Variants in MCF2L2 observed in about 807,000 individuals in gnomAD.
MCF2L2 encodes probable guanine nucleotide exchange factor MCF2L2.
In MCF2L2, 102 loss-of-function variants were observed where a neutral mutation model predicts 150.2. That is an observed-to-expected ratio of 0.68 (90% CI 0.58 to 0.80). MCF2L2 has a LOEUF of 0.80. MCF2L2 is among the 30% of genes least tolerant of loss of function. MCF2L2 has a pLI of 0.00. For missense variants in MCF2L2, 1,256 were observed against 1,372.8 expected (o/e 0.91, Z 1.34); for synonymous variants, 465 against 491.3 (o/e 0.95, Z 0.71).
intron 11 of MCF2L2, chr3:183,298,765 G>GCGCGCACGCGCGTGCGCACACACACACA: frequency 4.3e-5 from 6 of 138,500 alleles, no homozygotes; most frequent in African/African-American, 1.2e-4. Context: ...AAACACACAT[G>GCGCGCACGCGCGTGCGCACACACACACA]CACACACACA....
At position 183,379,228 on chromosome 3, in the gene MCF2L2, A is replaced by G. The variant is rs1184309933; in HGVS notation, c.275+69T>C. ...CTCATGGAAGTATATGTCTCAACCCAGCCCTGCCACATGGGAAGTGTGGAA... is the reference window on the plus strand; with the variant it reads ...CTCATGGAAGTATATGTCTCAACCCGGCCCTGCCACATGGGAAGTGTGGAA... On this transcript the variant is annotated intron_variant, in intron 3 of 29. Coordinates refer to ENST00000328913, the MANE Select transcript of MCF2L2 (RefSeq NM_015078.4). 10 of 1,181,316 alleles carry G rather than the reference A, an allele frequency of 8.5e-6. No individual in the cohort carries two copies. In the Admixed American group the frequency reaches 2.5e-4, roughly 29 times the overall value. The allele number at this position is 1,181,316 out of a possible 1,614,324, so 73.2% of individuals were successfully genotyped here. A position where few individuals can be genotyped will look rare whatever the true frequency, so the allele number is the denominator to read the frequency against.
At chr3:183,392,399 G>T (rs1348497370) in intron 1 of MCF2L2, among the ~76,000 whole-genome samples, 1 of 152,206 alleles carries the variant, frequency 6.6e-6, no homozygotes, top group African/African-American at 2.4e-5. Context: ...ACCCTGAGAG[G>T]CTGACTAGTG....
At chr3:183,248,860 A>G (rs1401605123) in intron 15 of MCF2L2, among the ~76,000 whole-genome samples, 1 of 152,182 alleles carries the variant, frequency 6.6e-6, no homozygotes, top group Non-Finnish European at 1.5e-5. Context: ...TTTTTAAAAA[A>G]AGAAAATTAC....
In MCF2L2 at chr3:183,370,350, G is replaced by A. The variant is rs531682306; in HGVS notation, c.275+8947C>T. On this transcript the variant is annotated intron_variant, in intron 3 of 29. Transcript: ENST00000328913. ...TGAGCTGGGCCTCAGTAGTGTGGCC[G>A]AGCAATGCCCGGGTGGGGCATCGGG... 3.3e-5 allele frequency among the ~76,000 whole-genome samples: 5 copies of A among 152,372 alleles called. No individual in the cohort carries two copies. In the East Asian group the frequency reaches 7.7e-4, roughly 23 times the overall value.
Position 183,392,693 on chromosome 3 carries a change from G to A in MCF2L2, c.77-2914C>T, listed in dbSNP as rs76616609. ...CTTTCCCAGACTCATCCTCTGACTC[G>A]GCATGGAGATGACTGCAGATACACC... is the stretch of plus-strand genomic sequence containing the variant. On this transcript the variant is annotated intron_variant, in intron 1 of 29. Transcript: ENST00000328913. 5.9e-3 allele frequency among the ~76,000 whole-genome samples: 898 copies of A among 152,226 alleles called. 5 individuals are homozygous for A. The highest frequency in any genetic ancestry group is 0.02 in the African/African-American group (843 of 41,532).
At chr3:183,200,485 G>C (rs1015195380) in intron 25 of MCF2L2, among the ~76,000 whole-genome samples, 2 of 152,074 alleles carry the variant, frequency 1.3e-5, no homozygotes, top group African/African-American at 4.8e-5. Flanking sequence ...TTTTTTTCTT[G>C]TAAATTTGTT....
chr3:183,289,854 T>TCAAA (rs986168413), intron 13 of MCF2L2, among the ~76,000 whole-genome samples: 1 of 152,158 alleles, frequency 6.6e-6, no homozygotes, highest in Non-Finnish European at 1.5e-5. Flanking sequence ...AGACTCCATC[T>TCAAA]CAAACAAACA....
intron 25 of MCF2L2, among the ~76,000 whole-genome samples, chr3:183,200,852 T>C (rs1280464215): frequency 1.3e-5 from 2 of 152,200 alleles, no homozygotes; most frequent in African/African-American, 4.8e-5. Context: ...GGCTAGCCAG[T>C]TTTCCCAGCA....
intron 3 of MCF2L2, among the ~76,000 whole-genome samples, chr3:183,359,439 T>C (rs1711994750): frequency 6.6e-6 from 1 of 152,186 alleles, no homozygotes; most frequent in African/African-American, 2.4e-5. Context: ...ACTGAAAGAT[T>C]TTCTTATTCT....
At position 183,428,067 on chromosome 3, in the gene MCF2L2, A is replaced by C; in HGVS notation, c.-90T>G. 2 of 974,494 alleles carry C rather than the reference A, an allele frequency of 2.1e-6. No homozygotes were observed. The highest frequency in any genetic ancestry group is 3.3e-6 in the Non-Finnish European group (2 of 603,738). 60.4% of individuals were successfully genotyped at this position (974,494 alleles called of 1,614,324 possible). On this transcript the variant is annotated 5_prime_UTR_variant, in exon 1 of 30. Coordinates refer to ENST00000328913, the MANE Select transcript of MCF2L2 (RefSeq NM_015078.4). This position sits in a 1 kb window ranked among gnomAD's most constrained non-coding sequence, Gnocchi z 5.1. ...GATTTTTTAAAGGCATCTCCGCCCA[A>C]GGATGCTCTGCCCTCGCCCTCTTCC...
intron 5 of MCF2L2, among the ~76,000 whole-genome samples, chr3:183,328,056 C>T (rs1468057800): frequency 6.6e-6 from 1 of 152,072 alleles, no homozygotes; most frequent in African/African-American, 2.4e-5. Flanking sequence ...ACTCACTGAC[C>T]TCTGGGAAGA....
intron 6 of MCF2L2, among the ~76,000 whole-genome samples, chr3:183,320,990 G>A (rs6802373): frequency 0.14 from 21,591 of 152,168 alleles, 1,691 homozygotes; most frequent in African/African-American, 0.2. Context: ...CCGAGGAGAG[G>A]GAGAGAGACA....
At position 183,179,715 on chromosome 3, in the gene MCF2L2, A is replaced by C. The variant is rs1721450381; in HGVS notation, c.3106-23T>G. ...GAGCTGGAAGGGAGGGGACGGGTGC[A>C]CCCTCAGAGTTATTGCTGGAGGCTG... On this transcript the variant is annotated intron_variant, in intron 28 of 29. Coordinates refer to ENST00000328913, the MANE Select transcript of MCF2L2 (RefSeq NM_015078.4). This position sits in a 1 kb window ranked among gnomAD's most constrained non-coding sequence, Gnocchi z 4.2. The C allele has an allele frequency of 6.3e-7, 1 of 1,588,754 alleles. No homozygotes were observed. Among genetic ancestry groups the C allele is most frequent in the African/African-American group, 1.3e-5 (1 of 74,528 alleles).
chr3:183,407,621 C>T (rs573029691), intron 1 of MCF2L2, among the ~76,000 whole-genome samples: 9 of 152,096 alleles, frequency 5.9e-5, no homozygotes, highest in Non-Finnish European at 1.0e-4. Flanking sequence ...CATGATCTTT[C>T]TTTTTAAAAT....
intron 26 of MCF2L2, 68 bp from the exon 27 acceptor site, chr3:183,193,164 T>C (rs1721959228): frequency 3.0e-6 from 4 of 1,337,634 alleles, no homozygotes; most frequent in African/African-American, 1.4e-5. Context: ...CCCCCACCAG[T>C]TGGAGTAACG....
chr3:183,420,552 T>C lies in MCF2L2; in HGVS notation c.76+7350A>G, dbSNP rs529464537. 3.1e-3 allele frequency among the ~76,000 whole-genome samples: 473 copies of C among 152,062 alleles called. 1 individual carries two copies. Among genetic ancestry groups the C allele is most frequent in the Middle Eastern group, 6.8e-3 (2 of 294 alleles). On this transcript the variant is annotated intron_variant, in intron 1 of 29. Transcript: ENST00000328913. ...AGTGGGAGGTTGCAGTGTGCTGAAATTGCGCCACTGCACTCCAGCCTGGGC... is the reference window on the plus strand; with the variant it reads ...AGTGGGAGGTTGCAGTGTGCTGAAACTGCGCCACTGCACTCCAGCCTGGGC...
chr3:183,418,942 G>A (rs1009212642), intron 1 of MCF2L2, among the ~76,000 whole-genome samples: 1 of 152,222 alleles, frequency 6.6e-6, no homozygotes, highest in African/African-American at 2.4e-5. Flanking sequence ...GTTCCCCACT[G>A]GGGACTCTTA....
intron 25 of MCF2L2, among the ~76,000 whole-genome samples, chr3:183,205,444 T>C (rs1053259832): frequency 1.3e-5 from 2 of 152,174 alleles, no homozygotes; most frequent in Non-Finnish European, 2.9e-5. Flanking sequence ...GGGATGGTTA[T>C]TGAGCCTTGT....
intron 2 of MCF2L2, among the ~76,000 whole-genome samples, chr3:183,380,697 C>T (rs1713473647): frequency 6.6e-6 from 1 of 152,198 alleles, no homozygotes; most frequent in East Asian, 1.9e-4. Context: ...CCACCACGCC[C>T]AGCCCAGGTA....
Sources: gnomAD v4.1 joint callset for allele counts (sites outside exome capture counted in the v4.1 genomes callset) on GRCh38, gnomAD v4.1.1 for gene constraint, Gnocchi (gnomAD v3.1) non-coding constraint, MANE v1.5 for transcripts, NCBI Gene and HGNC (gene_info 2026-07-23, HGNC 2026-07-21) for gene names.